CTNNA2: variants seen among roughly 807,000 people sequenced by gnomAD.
CTNNA2 encodes catenin alpha 2.
In CTNNA2, 42 loss-of-function variants were observed where a neutral mutation model predicts 101.0. The ratio of observed to expected loss-of-function variants is 0.42; its 90% CI spans 0.32 to 0.54. The LOEUF is 0.54. CTNNA2 is among the 20% of genes least tolerant of loss of function. The pLI is 0.14. For missense variants in CTNNA2, 871 were observed against 1,223.1 expected, an observed-to-expected ratio of 0.71 and a Z score of 4.29; for synonymous variants, 450 against 456.4, an observed-to-expected ratio of 0.99 and a Z score of 0.18.
At chr2:79,289,113 C>A (rs1357598994) in intron 2 of CTNNA2, among the ~76,000 whole-genome samples, 20 of 152,162 alleles carry the variant, frequency 1.3e-4, no homozygotes, top group Non-Finnish European at 2.5e-4. Context: ...CTGAGAGAAT[C>A]TATTTTCTTC....
At chr2:79,987,336 T>G (rs900089865) in intron 7 of CTNNA2, among the ~76,000 whole-genome samples, 1 of 152,220 alleles carries the variant, frequency 6.6e-6, no homozygotes, top group Non-Finnish European at 1.5e-5. Flanking sequence ...CCTGATTTTC[T>G]AGCATCTCAT....
chr2:79,829,243 C>A (rs974579589), intron 3 of CTNNA2, among the ~76,000 whole-genome samples: 1 of 151,698 alleles, frequency 6.6e-6, no homozygotes, highest in Non-Finnish European at 1.5e-5. Flanking sequence ...CTAGGCCAGG[C>A]GCGGTTGGCT....
chr2:79,350,429 T>A (rs2104437991), intron 3 of CTNNA2, among the ~76,000 whole-genome samples: 1 of 152,306 alleles, frequency 6.6e-6, no homozygotes, highest in Admixed American at 6.5e-5. Flanking sequence ...GATAATGGCC[T>A]CCAGCTCCAT....
intron 4 of CTNNA2, among the ~76,000 whole-genome samples, chr2:79,497,300 T>C (rs1244829922): frequency 6.6e-6 from 1 of 152,188 alleles, no homozygotes; most frequent in Non-Finnish European, 1.5e-5. Context: ...ATCTATCATC[T>C]TACACATTTC....
At chr2:79,715,154 C>G (rs1036220362) in intron 2 of CTNNA2, among the ~76,000 whole-genome samples, 2 of 132,166 alleles carry the variant, frequency 1.5e-5, no homozygotes, top group Admixed American at 8.9e-5. Flanking sequence ...TTGCAGTGAG[C>G]GAAGATCATG....
chr2:79,732,470 A>G (rs897184226), intron 2 of CTNNA2, among the ~76,000 whole-genome samples: 1 of 152,132 alleles, frequency 6.6e-6, no homozygotes, highest in East Asian at 1.9e-4. Context: ...ATATTTTCAT[A>G]ATAACATAAA....
chr2:79,226,121 A>G (rs147156847), intron 2 of CTNNA2, among the ~76,000 whole-genome samples: 43 of 152,300 alleles, frequency 2.8e-4, no homozygotes, highest in African/African-American at 1.0e-3. Flanking sequence ...CCAGCATTCT[A>G]AGAAGAGTCT....
At chr2:80,347,140 C>T (rs747715068) in intron 7 of CTNNA2, among the ~76,000 whole-genome samples, 4 of 152,164 alleles carry the variant, frequency 2.6e-5, no homozygotes, top group Admixed American at 6.5e-5. Context: ...CAGCGAGCAC[C>T]GCAGTGGCAG....
intron 18 of CTNNA2, among the ~76,000 whole-genome samples, chr2:80,635,615 T>C (rs1672789880): frequency 6.6e-6 from 1 of 152,178 alleles, no homozygotes; most frequent in Non-Finnish European, 1.5e-5. Context: ...GTAGAAGTGA[T>C]ATTAATATAC....
chr2:80,133,181 G>C (rs962828334), intron 7 of CTNNA2, among the ~76,000 whole-genome samples: 4 of 152,134 alleles, frequency 2.6e-5, no homozygotes, highest in African/African-American at 9.7e-5. Context: ...TTGTGTATAA[G>C]GAGGCAGAGA....
intron 3 of CTNNA2, among the ~76,000 whole-genome samples, chr2:79,330,350 A>C (rs1005123814): frequency 1.2e-4 from 18 of 152,220 alleles, no homozygotes; most frequent in Non-Finnish European, 2.5e-4. Context: ...CTGAGGGTTG[A>C]GTCAGCAGAG....
intron 2 of CTNNA2, among the ~76,000 whole-genome samples, chr2:79,693,666 C>A (rs568237722): frequency 1.3e-4 from 19 of 151,946 alleles, no homozygotes; most frequent in Admixed American, 3.3e-4. Context: ...GGCACTTGAT[C>A]AAGATGGAAG....
chr2:79,730,994 A>G (rs1373057007), intron 2 of CTNNA2, among the ~76,000 whole-genome samples: 2 of 152,066 alleles, frequency 1.3e-5, no homozygotes, highest in Non-Finnish European at 2.9e-5. Flanking sequence ...AAAGAAATTA[A>G]TATCAAGGAA....
At chr2:80,371,918 A>T (rs1675478909) in intron 7 of CTNNA2, among the ~76,000 whole-genome samples, 1 of 152,272 alleles carries the variant, frequency 6.6e-6, no homozygotes, top group Non-Finnish European at 1.5e-5. Flanking sequence ...ATTTTCACAG[A>T]GTGAAACTGG....
chr2:79,830,830 C>T (rs1255119593), intron 3 of CTNNA2, among the ~76,000 whole-genome samples: 1 of 152,206 alleles, frequency 6.6e-6, no homozygotes, highest in Non-Finnish European at 1.5e-5. Flanking sequence ...TATACTGACA[C>T]TTCTCAGAGA....
intron 4 of CTNNA2, among the ~76,000 whole-genome samples, chr2:79,482,390 C>T (rs1327475498): frequency 6.6e-6 from 1 of 152,192 alleles, no homozygotes; most frequent in Non-Finnish European, 1.5e-5. Context: ...GCTTCAACTA[C>T]ATCAGTCAGA....
intron 7 of CTNNA2, among the ~76,000 whole-genome samples, chr2:80,333,762 T>G (rs1361851689): frequency 6.6e-6 from 1 of 152,218 alleles, no homozygotes; most frequent in Non-Finnish European, 1.5e-5. Context: ...TGGCTGGGAT[T>G]GCAGGTGCGC....
intron 1 of CTNNA2, among the ~76,000 whole-genome samples, chr2:79,576,920 A>T (rs1282066993): frequency 6.6e-6 from 1 of 152,172 alleles, no homozygotes; most frequent in Non-Finnish European, 1.5e-5. Context: ...ATCCAGTTTA[A>T]CATAAACACG....
chr2:79,705,956 C>T (rs77106121), intron 2 of CTNNA2, among the ~76,000 whole-genome samples: 532 of 152,216 alleles, frequency 3.5e-3, no homozygotes, highest in African/African-American at 0.012. Context: ...GGGACCTGAA[C>T]AGTAAACTGA....
Sources: gnomAD v4.1 joint callset for allele counts (sites outside exome capture counted in the v4.1 genomes callset) on GRCh38, gnomAD v4.1.1 for gene constraint, MANE v1.5 for transcripts, NCBI Gene and HGNC (gene_info 2026-07-23, HGNC 2026-07-21) for gene names.